Variants in PLXNA3 observed in about 807,000 individuals in gnomAD.
PLXNA3 encodes the protein plexin-A3.
In PLXNA3, 52 loss-of-function variants were observed where a neutral mutation model predicts 118.8. The observed-to-expected ratio is 0.44, with a 90% CI of 0.35 to 0.55. The LOEUF is 0.55. PLXNA3 is among the 20% of genes least tolerant of loss of function. The probability of loss-of-function intolerance (pLI) is 0.01; values close to 1 mark genes in which losing one functional copy is unlikely to be tolerated. For synonymous variants in PLXNA3, 925 were observed against 762.4 expected, an observed-to-expected ratio of 1.21 and a Z score of -3.51; for missense variants, 1,660 against 1,730.8, an observed-to-expected ratio of 0.96 and a Z score of 0.73.
chrX:154,467,697 G>C lies in PLXNA3; in HGVS notation c.3585+9G>C, dbSNP rs782426646. On this transcript the variant is annotated intron_variant, in intron 20 of 32. Coordinates refer to ENST00000369682, the MANE Select transcript of PLXNA3 (RefSeq NM_017514.5). ...GCCGGCAGCCTGTCATGGTAGGTGG[G>C]GATGGGGAGACCCCCTGGGCAGCCC... is the stretch of plus-strand genomic sequence containing the variant. The C allele has an allele frequency of 1.2e-5, 15 of 1,206,276 alleles. No individual in the cohort carries two copies. In the African/African-American group the frequency reaches 2.1e-4, roughly 17 times the overall value.
chrX:154,466,895 A>C, intron 17 of PLXNA3, 102 bp downstream of exon 17: 1 of 879,180 alleles, frequency 1.1e-6, no homozygotes, highest in East Asian at 3.3e-5. Flanking sequence ...CTAGGCCCTC[A>C]TTGGTGGAGG....
At position 154,460,264 on chromosome X, in the gene PLXNA3, G is replaced by T; in HGVS notation, c.81G>T (p.Val27=). ...ALGNRPFRAF[V]VTDTTLTHLA... The stretch of plus-strand genomic sequence containing the variant: ...GCAACAGGCCCTTCCGTGCCTTCGT[G>T]GTGACAGACACCACGCTTACCCACC... Residue 27 remains valine (V), a synonymous_variant, in exon 2 of 33, where the codon GTG becomes GTT. Transcript: ENST00000369682. The T allele has an allele frequency of 6.6e-6, 8 of 1,209,580 alleles. No homozygotes were observed. Among genetic ancestry groups the T allele is most frequent in the Non-Finnish European group, 8.9e-6 (8 of 894,062 alleles).
At position 154,465,069 on chromosome X, in the gene PLXNA3, A is replaced by T; in HGVS notation, c.2095A>T (p.Met699Leu). The T allele has an allele frequency of 8.3e-7, 1 of 1,210,093 alleles. No individual in the cohort carries two copies. Among genetic ancestry groups the T allele is most frequent in the Non-Finnish European group, 1.1e-6 (1 of 894,850 alleles). Residue 699 changes from methionine (M) to leucine (L), a missense_variant, in exon 11 of 33, where the codon ATG becomes TTG. By Grantham distance (15) the Met-to-Leu change is conservative. This residue lies in a region of PLXNA3 where 791 missense variants were observed against 652.1 expected (regional missense o/e 1.21). Transcript: ENST00000369682. The part of the protein sequence containing the change: ...SGDLLIPVGV[M>L]QPLTLRAKNL... ...GGACCTCCTGATCCCCGTTGGGGTC[A>T]TGCAGCCTCTTACCTTGCGGGCTAA...
At position 154,471,584 on chromosome X, in the gene PLXNA3, C is replaced by T. The variant is rs782372886; in HGVS notation, c.5466C>T (p.Ser1822=). 4 of 1,210,737 alleles carry T rather than the reference C, an allele frequency of 3.3e-6. No individual in the cohort carries two copies. The East Asian group carries it at 8.9e-5, about 27-fold the overall frequency. The change falls in exon 32 of 33, where the codon AGC becomes AGT. Residue 1822 remains serine, a synonymous_variant. Coordinates refer to ENST00000369682, the MANE Select transcript of PLXNA3 (RefSeq NM_017514.5). ...CCCGCCTCCACGCCAGCGACTTCAG[C>T]GTCCTGAGTGCGCTCAACGAGCTGT... The part of the protein sequence containing the change: ...EQSRLHASDF[S]VLSALNELYF...
Position 154,465,920 on chromosome X carries a change from C to T in PLXNA3, c.2533-15C>T. 2 of 1,211,579 alleles carry T rather than the reference C, an allele frequency of 1.7e-6. No individual in the cohort carries two copies. Among genetic ancestry groups the T allele is most frequent in the Non-Finnish European group, 1.1e-6 (1 of 895,464 alleles). On this transcript the variant is annotated splice_polypyrimidine_tract_variant and intron_variant, in intron 13 of 32. Coordinates refer to ENST00000369682, the MANE Select transcript of PLXNA3 (RefSeq NM_017514.5). ...AGTCTGAGCCAACTCTCTCACTGCC[C>T]ATCCTGCTCCACAGATCCACCCTCT...
rs1557210901 is a variant in PLXNA3 at position 154,476,482 on chromosome X, A to T, written c.*3797A>T. 2 of 108,237 alleles carry T rather than the reference A, an allele frequency of 1.8e-5. No homozygotes were observed. Among genetic ancestry groups the T allele is most frequent in the Non-Finnish European group, 3.8e-5 (2 of 52,035 alleles). The allele number at this position is 108,237 out of a possible 1,213,427, so 8.9% of individuals were successfully genotyped here. A position where few individuals can be genotyped will look rare whatever the true frequency, so the allele number is the denominator to read the frequency against. On this transcript the variant is annotated 3_prime_UTR_variant, in exon 33 of 33. Transcript: ENST00000369682. ...CAAAAAAAAAAAAAAAAAGTGAAAG[A>T]TCTAAATTGTCAACTATTCGTCAAT...
In PLXNA3 at chrX:154,465,826, C is replaced by T. The variant is rs140958666; in HGVS notation, c.2511C>T (p.Cys837=). The T allele has an allele frequency of 1.9e-5, 23 of 1,204,158 alleles. No individual in the cohort carries two copies. The highest frequency in any genetic ancestry group is 5.2e-5 in the African/African-American group (3 of 57,250). ...WMHLSQKGTR[C]SHPRITQIHP... Reference sequence around the variant, plus strand: ...ACCTGAGCCAGAAGGGCACCCGGTGCAGCCACCCCCGCATCACGCAGGTCA... The same window carrying T: ...ACCTGAGCCAGAAGGGCACCCGGTGTAGCCACCCCCGCATCACGCAGGTCA... Residue 837 remains cysteine, a synonymous_variant, in exon 13 of 33, where the codon TGC becomes TGT. Transcript: ENST00000369682.
At position 154,466,417 on chromosome X, in the gene PLXNA3, G is replaced by A. The variant is rs371349360; in HGVS notation, c.2841G>A (p.Ala947=). The change falls in exon 16 of 33, where the codon GCG becomes GCA. Residue 947 remains alanine, a synonymous_variant. Coordinates refer to ENST00000369682, the MANE Select transcript of PLXNA3 (RefSeq NM_017514.5). ...AAGTGAGTCCCAGCCGTGGCCCGGC[G>A]TCCGGGGGCACACGGCTTACCATCT... The part of the protein sequence containing the change: ...FDQVSPSRGP[A]SGGTRLTISG... 3.6e-5 allele frequency: 43 copies of A among 1,210,133 alleles called. 1 individual carries two copies. The highest frequency in any genetic ancestry group is 2.8e-4 in the South Asian group (16 of 56,889).
In PLXNA3 at chrX:154,461,288, A is replaced by AC; in HGVS notation, c.784_785insC (p.Ile262ThrfsTer52). ...GGGCGAGAAATTTTTCACGTCCAAG[A>AC]TCGTGCGCATGTGCGCGGGAGACTC... On this transcript the variant is annotated frameshift_variant, in exon 3 of 33. Transcript: ENST00000369682. LOFTEE classifies it high-confidence loss of function. 8.2e-7 allele frequency: 1 copy of AC among 1,212,294 alleles called. No homozygotes were observed. The highest frequency in any genetic ancestry group is 1.1e-6 in the Non-Finnish European group (1 of 895,472).
chrX:154,463,563 G>GGGGGGGGC, intron 5 of PLXNA3, 27 bp from the exon 6 acceptor site: 1 of 990,598 alleles, frequency 1.0e-6, no homozygotes, highest in Non-Finnish European at 1.4e-6. Flanking sequence ...GCGGGGGTGG[G>GGGGGGGGC]CTGGGTGCTG....
At position 154,467,489 on chromosome X, in the gene PLXNA3, G is replaced by A. The variant is rs782327219; in HGVS notation, c.3441+18G>A. 93 of 1,142,698 alleles carry A rather than the reference G, an allele frequency of 8.1e-5. No homozygotes were observed. The highest frequency in any genetic ancestry group is 1.0e-4 in the Non-Finnish European group (89 of 860,742). 94.2% of individuals were successfully genotyped at this position (1,142,698 alleles called of 1,213,427 possible). A position where few individuals can be genotyped will look rare whatever the true frequency, so the allele number is the denominator to read the frequency against. On this transcript the variant is annotated intron_variant, in intron 19 of 32. Transcript: ENST00000369682. ...TGCTGAAGGTGCGGGCGGGGTGGGG[G>A]CGGGGAGGGGCGGGAAAGTGGAGAG...
rs144828297 is a variant in PLXNA3 at position 154,461,191 on chromosome X, C to G, written c.687C>G (p.Gly229=). 9 of 1,211,111 alleles carry G rather than the reference C, an allele frequency of 7.4e-6. No homozygotes were observed. The African/African-American group carries it at 1.0e-4, about 14-fold the overall frequency. ...CCTTTGACATCTACTACATCTACGG[C>G]TTCGTCAGCGCCTCCTTCGTGTACT... ...YPAFDIYYIY[G]FVSASFVYFL... Residue 229 remains glycine (G), a synonymous_variant, in exon 3 of 33, where the codon GGC becomes GGG. Coordinates refer to ENST00000369682, the MANE Select transcript of PLXNA3 (RefSeq NM_017514.5).
chrX:154,470,661 G>A (rs376243038), intron 30 of PLXNA3, 50 bp downstream of exon 30: 29 of 1,112,589 alleles, frequency 2.6e-5, no homozygotes, highest in Admixed American at 4.5e-5. Flanking sequence ...ACTGGTGGGC[G>A]GAAGACGCTG....
rs373968063 is a variant in PLXNA3, at chrX:154,465,740, A to C, written c.2425A>C (p.Ile809Leu). ...TCCCCGCTTCAACTGTGGCTGGTGC[A>C]TCTCAGAGCACAGGTGCCAGCTGCG... ...ADPRFNCGWC[I>L]SEHRCQLRTH... The change falls in exon 13 of 33, where the codon ATC becomes CTC. Residue 809 changes from isoleucine (I) to leucine (L), a missense_variant. By Grantham distance (5) the Ile-to-Leu change is conservative (BLOSUM62 2). Transcript: ENST00000369682. 2.6e-5 allele frequency: 31 copies of C among 1,208,549 alleles called. No homozygotes were observed. Among genetic ancestry groups the C allele is most frequent in the Non-Finnish European group, 3.4e-5 (30 of 894,501 alleles).
In PLXNA3 at chrX:154,473,157, A is replaced by AC. The variant is rs1162032035; in HGVS notation, c.*475dup. On this transcript the variant is annotated 3_prime_UTR_variant, in exon 33 of 33. Transcript: ENST00000369682. ...GCCTCGGTCTGGCCTCTGGCACCTC[A>AC]CCCTTGCCATGGCTGACCCCACCCA... 3.5e-5 allele frequency: 4 copies of AC among 112,965 alleles called. No homozygotes were observed. The highest frequency in any genetic ancestry group is 5.6e-5 in the Non-Finnish European group (3 of 53,661). 9.3% of individuals were successfully genotyped at this position (112,965 alleles called of 1,213,427 possible).
At position 154,465,189 on chromosome X, in the gene PLXNA3, A is replaced by G; in HGVS notation, c.2215A>G (p.Ser739Gly). Residue 739 changes from serine (S) to glycine (G), a missense_variant, in exon 11 of 33, where the codon AGC (serine) becomes GGC (glycine). Ser to Gly is a moderately conservative substitution (Grantham distance 56, BLOSUM62 0). Transcript: ENST00000369682. ...GCGGGTGCCTGCCGTGCGCTTCAAC[A>G]GCAGCAGTGTGCAGTGCCAGAACGC... is the stretch of plus-strand genomic sequence containing the variant. ...QQRVPAVRFN[S>G]SSVQCQNASY... is the part of the protein sequence containing the mutation. 1 of 1,209,873 alleles carries G rather than the reference A, an allele frequency of 8.3e-7. No homozygotes were observed. The highest frequency in any genetic ancestry group is 1.1e-6 in the Non-Finnish European group (1 of 895,077).
chrX:154,464,670 C>T (rs1165975844), intron 9 of PLXNA3, 84 bp from the exon 10 acceptor site: 1 of 757,129 alleles, frequency 1.3e-6, no homozygotes, highest in African/African-American at 2.1e-5. Flanking sequence ...TGCCTTCTTC[C>T]TTCAGTTCCC....
Position 154,464,291 on chromosome X carries a change from C to T in PLXNA3, c.1806C>T (p.Leu602=). The T allele has an allele frequency of 8.3e-7, 1 of 1,208,173 alleles. No homozygotes were observed. The highest frequency in any genetic ancestry group is 1.1e-6 in the Non-Finnish European group (1 of 894,825). ...GCCCCTCACCCTCCCTCCAGGAGCT[C>T]CGAGCTCTTACCAGGGGGCATGGTC... ...LLCPSPSLQE[L]RALTRGHGAT... Residue 602 remains leucine, a synonymous_variant, in exon 8 of 33, where the codon CTC becomes CTT. Transcript: ENST00000369682.
chrX:154,462,922 G>A (rs1056752762), intron 4 of PLXNA3, among the ~76,000 whole-genome samples: 1 of 111,562 alleles, frequency 9.0e-6, no homozygotes. Context: ...AGGAGGGCAA[G>A]TGTTGGTCTG....
Sources: allele counts gnomAD v4.1 joint callset (sites outside exome capture counted in the v4.1 genomes callset), GRCh38; gene constraint gnomAD v4.1.1; regional missense constraint gnomAD v4.1.1; transcripts MANE v1.5; gene names NCBI Gene and HGNC (gene_info 2026-07-23, HGNC 2026-07-21).